Variants in KLRG1 observed in about 807,000 individuals in gnomAD.
KLRG1 encodes the protein killer cell lectin like receptor G1.
KLRG1 carries 16 observed loss-of-function variants against 21.8 expected under a neutral mutation model. The observed-to-expected ratio is 0.73, with a 90% CI of 0.50 to 1.11. KLRG1 has a LOEUF of 1.11. Ranked by LOEUF, KLRG1 falls within the 50% of genes most tolerant of loss-of-function variation. KLRG1 has a pLI of 0.00. For synonymous variants in KLRG1, 69 were observed against 75.9 expected (o/e 0.91, Z 0.47); for missense variants, 173 against 218.3 (o/e 0.79, Z 1.31).
chr12:9,206,262 A>T, the KLRG1 span, among the ~76,000 whole-genome samples: 2 of 151,464 alleles, frequency 1.3e-5, no homozygotes, highest in African/African-American at 4.8e-5. Flanking sequence ...ATATATTTAT[A>T]ATTTATTTAC....
chr12:8,985,329 A>G (rs1359237434), upstream of KLRG1, among the ~76,000 whole-genome samples: 2 of 152,100 alleles, frequency 1.3e-5, no homozygotes. Flanking sequence ...CTGCTTTCAC[A>G]CCAGCACTAC....
At chr12:9,199,151 G>A in the KLRG1 span, among the ~76,000 whole-genome samples, 1 of 152,136 alleles carries the variant, frequency 6.6e-6, no homozygotes, top group East Asian at 1.9e-4. Context: ...TGATAGGGGA[G>A]GCACACTCAT....
intron 2 of KLRG1, among the ~76,000 whole-genome samples, chr12:8,994,829 T>G (rs1183063149): frequency 6.6e-6 from 1 of 152,238 alleles, no homozygotes; most frequent in African/African-American, 2.4e-5. Context: ...AAGTACTTGC[T>G]CCAGAGTTTT....
In KLRG1 at chr12:8,995,272, C is replaced by A; in HGVS notation, c.341C>A (p.Thr114Lys). ...LARDSHLLVI[T>K]DNQEMSLLQV... ...AGAGACTCACACCTCCTTGTGATAA[C>A]GGACAATCAGGAAATGGTAAATGCA... The change falls in exon 3 of 5, where the codon ACG (threonine) becomes AAG (lysine). Residue 114 changes from threonine to lysine, a missense_variant. Physicochemically the swap from Thr to Lys is moderately conservative, Grantham distance 78 (BLOSUM62 -1). Around this residue, in one of 3 missense-constraint regions of KLRG1, gnomAD observed 144 missense variants for 161.5 expected, o/e 0.89. Coordinates refer to ENST00000356986, the MANE Select transcript of KLRG1 (RefSeq NM_005810.4). The A allele has an allele frequency of 6.2e-7, 1 of 1,607,278 alleles. No homozygotes were observed. Among genetic ancestry groups the A allele is most frequent in the Non-Finnish European group, 8.5e-7 (1 of 1,178,214 alleles).
At chr12:9,017,779 A>G in the KLRG1 span, among the ~76,000 whole-genome samples, 2 of 152,232 alleles carry the variant, frequency 1.3e-5, no homozygotes, top group South Asian at 2.1e-4. Flanking sequence ...ATCAGACAAG[A>G]GAAAGGAATG....
At chr12:9,181,259 C>A in the KLRG1 span, 2 of 1,209,676 alleles carry the variant, frequency 1.7e-6, no homozygotes, top group Non-Finnish European at 1.1e-6. Flanking sequence ...AGTCAGAAAC[C>A]TATTTTTACA....
At chr12:9,137,260 T>C in the KLRG1 span, among the ~76,000 whole-genome samples, 18 of 152,198 alleles carry the variant, frequency 1.2e-4, no homozygotes, top group Non-Finnish European at 2.2e-4. Flanking sequence ...TATACAGTTT[T>C]CTCCACACCA....
the KLRG1 span, among the ~76,000 whole-genome samples, chr12:9,082,188 T>C: frequency 6.6e-6 from 1 of 152,202 alleles, no homozygotes; most frequent in African/African-American, 2.4e-5. Context: ...GTAGCAATCC[T>C]CTATTATGCA....
intron 1 of KLRG1, among the ~76,000 whole-genome samples, chr12:8,990,919 T>G (rs1946947546): frequency 6.6e-6 from 1 of 152,222 alleles, no homozygotes; most frequent in African/African-American, 2.4e-5. Flanking sequence ...AAAGTTTTTC[T>G]AGAAATCTTA....
the KLRG1 span, among the ~76,000 whole-genome samples, chr12:9,075,403 G>A: frequency 6.6e-6 from 1 of 151,978 alleles, no homozygotes; most frequent in African/African-American, 2.4e-5. Context: ...AAGAAAACAG[G>A]CACATGAGTA....
chr12:9,027,263 A>C, the KLRG1 span, among the ~76,000 whole-genome samples: 1 of 152,090 alleles, frequency 6.6e-6, no homozygotes, highest in South Asian at 2.1e-4. Context: ...GGGTGCAAAA[A>C]AAAAAAAAGT....
the KLRG1 span, among the ~76,000 whole-genome samples, chr12:9,034,878 G>A: frequency 2.0e-5 from 3 of 152,168 alleles, no homozygotes; most frequent in African/African-American, 2.4e-5. Flanking sequence ...TCACAGGAGA[G>A]GACAGCTTCA....
At chr12:8,995,543 G>C (rs903323461) in intron 3 of KLRG1, among the ~76,000 whole-genome samples, 2 of 152,056 alleles carry the variant, frequency 1.3e-5, no homozygotes, top group Admixed American at 6.6e-5. Context: ...CCAGATGCTT[G>C]TATAGCATGT....
the KLRG1 span, among the ~76,000 whole-genome samples, chr12:9,027,121 T>C: frequency 6.6e-6 from 1 of 152,220 alleles, no homozygotes; most frequent in East Asian, 1.9e-4. Context: ...ATAAGCTAAT[T>C]AACATATGCA....
chr12:9,031,221 C>G, the KLRG1 span, among the ~76,000 whole-genome samples: 1 of 152,170 alleles, frequency 6.6e-6, no homozygotes, highest in African/African-American at 2.4e-5. Context: ...AACTCAGTCT[C>G]TCATTTAGCT....
the KLRG1 span, chr12:9,163,582 T>G: frequency 3.8e-4 from 543 of 1,432,890 alleles, no homozygotes; most frequent in Non-Finnish European, 4.8e-4. Flanking sequence ...TGTGTGAGCA[T>G]GATATTAATG....
the KLRG1 span, among the ~76,000 whole-genome samples, chr12:9,081,608 G>C: frequency 6.6e-6 from 1 of 152,218 alleles, no homozygotes; most frequent in African/African-American, 2.4e-5. Flanking sequence ...AATTAGAAGA[G>C]TAGGAAGAAT....
chr12:9,187,416 G>C, the KLRG1 span, among the ~76,000 whole-genome samples: 1 of 152,062 alleles, frequency 6.6e-6, no homozygotes, highest in Non-Finnish European at 1.5e-5. Flanking sequence ...CTCTAAAACC[G>C]ATCACACAAT....
intron 1 of KLRG1, among the ~76,000 whole-genome samples, chr12:8,967,248 A>G (rs1282559034): frequency 1.3e-5 from 2 of 151,708 alleles, no homozygotes; most frequent in East Asian, 3.9e-4. Context: ...TGACGATTTA[A>G]TGGGTGCAGC....
Sources: allele counts gnomAD v4.1 joint callset (sites outside exome capture counted in the v4.1 genomes callset), GRCh38; gene constraint gnomAD v4.1.1; regional missense constraint gnomAD v4.1.1; transcripts MANE v1.5; gene names NCBI Gene and HGNC (gene_info 2026-07-23, HGNC 2026-07-21).